PDXDC1: variants seen among roughly 807,000 people sequenced by gnomAD.
The protein encoded by PDXDC1 is pyridoxal-dependent decarboxylase domain-containing protein 1.
In PDXDC1, 42 loss-of-function variants were observed where a neutral mutation model predicts 100.1. The ratio of observed to expected loss-of-function variants is 0.42; its 90% CI spans 0.33 to 0.54. The LOEUF (loss-of-function observed/expected upper bound fraction) is 0.54. Among genes scored for constraint, PDXDC1 ranks in the 20% least tolerant of loss-of-function variants. The probability of loss-of-function intolerance (pLI) is 0.10; values close to 1 mark genes in which losing one functional copy is unlikely to be tolerated. For missense variants in PDXDC1, 636 were observed against 979.2 expected, an observed-to-expected ratio of 0.65 and a Z score of 4.68; for synonymous variants, 260 against 371.7, an observed-to-expected ratio of 0.70 and a Z score of 3.46.
chr16:15,104,527 G>A, intron 16 of PDXDC1: 1 of 1,494,782 alleles, frequency 6.7e-7, no homozygotes, highest in African/African-American at 1.7e-5. Context: ...GGGTGGAAGG[G>A]GAGTGAGCAG....
rs2044523085 is a variant in PDXDC1 at position 15,056,365 on chromosome 16, G to A, written c.1399+26309G>A. Among the ~76,000 whole-genome samples the A allele has an allele frequency of 2.0e-5, 3 of 152,360 alleles. No homozygotes were observed. In the South Asian group the frequency reaches 6.2e-4, roughly 32 times the overall value. On this transcript the variant is annotated intron_variant, in intron 16 of 16. Transcript: ENST00000535621. Reference sequence around the variant, plus strand: ...GGGCGAGTTCCTGGGGCGGGTTCTGGCTCCGACTGCTGCGCTTTAGGTCAT... The same window carrying A: ...GGGCGAGTTCCTGGGGCGGGTTCTGACTCCGACTGCTGCGCTTTAGGTCAT...
At chr16:15,019,053 G>C in intron 12 of PDXDC1, 88 bp downstream of exon 12, 1 of 1,586,562 alleles carries the variant, frequency 6.3e-7, no homozygotes, top group South Asian at 1.1e-5. Context: ...TCCATCCAGA[G>C]TGGTGTTGTC....
intron 16 of PDXDC1, among the ~76,000 whole-genome samples, chr16:15,087,150 C>G (rs2045942066): frequency 6.6e-6 from 1 of 151,914 alleles, no homozygotes; most frequent in Non-Finnish European, 1.5e-5. Flanking sequence ...GGAAAAAAAC[C>G]ATTAAGAAAA....
intron 16 of PDXDC1, chr16:15,086,254 A>G (rs1297554552): frequency 6.3e-7 from 1 of 1,575,992 alleles, no homozygotes; most frequent in East Asian, 2.3e-5. Flanking sequence ...CAACCAAGGC[A>G]ATCTCTAGAG....
chr16:15,065,147 C>CAAA, intron 16 of PDXDC1: 1 of 1,472,622 alleles, frequency 6.8e-7, no homozygotes, highest in Non-Finnish European at 9.2e-7. Context: ...GCCTGGGCGA[C>CAAA]AGAGTGAGAC....
At position 15,050,767 on chromosome 16, in the gene PDXDC1, GAT is replaced by G. The variant is rs377548375; in HGVS notation, c.1399+20712_1399+20713del. On this transcript the variant is annotated intron_variant, in intron 16 of 16. Transcript: ENST00000535621. ...AAATTAAGATTAAACTAAAAGAAGAGATGTAATAAACATAATGATCAGCTTGA... is the reference window on the plus strand; with the variant it reads ...AAATTAAGATTAAACTAAAAGAAGAGGTAATAAACATAATGATCAGCTTGA... 2.3e-4 allele frequency among the ~76,000 whole-genome samples: 35 copies of G among 152,076 alleles called. No individual in the cohort carries two copies. In the East Asian group the frequency reaches 5.4e-3, roughly 24 times the overall value.
At chr16:15,032,138 C>T in intron 17 of PDXDC1, 5 of 558,694 alleles carry the variant, frequency 8.9e-6, no homozygotes, top group Non-Finnish European at 1.6e-5. Context: ...TAGGTGCCGA[C>T]TCTCAGCTAC....
chr16:15,048,208 G>A, intron 16 of PDXDC1: 1 of 691,744 alleles, frequency 1.4e-6, no homozygotes, highest in East Asian at 2.7e-5. Flanking sequence ...ACGCTAGTGT[G>A]TGGGGAGTGT....
rs1266416535 is a variant in PDXDC1 at position 14,984,350 on chromosome 16, C to T, written c.21+9130C>T. 1.8e-4 allele frequency among the ~76,000 whole-genome samples: 24 copies of T among 132,692 alleles called. No individual in the cohort carries two copies. The East Asian group carries it at 5.7e-3, about 32-fold the overall frequency. The allele number at this position is 132,692 out of a possible 152,430, so 87.1% of individuals were successfully genotyped here. A position where few individuals can be genotyped will look rare whatever the true frequency, so the allele number is the denominator to read the frequency against. On this transcript the variant is annotated intron_variant, in intron 1 of 22. Coordinates refer to ENST00000396410, the MANE Select transcript of PDXDC1 (RefSeq NM_015027.4). ...TTTTTTTTTTTTAACTTAGATTTGTCCTCAACTGTAATGTCTCTAAATTCT... is the reference window on the plus strand; with the variant it reads ...TTTTTTTTTTTTAACTTAGATTTGTTCTCAACTGTAATGTCTCTAAATTCT...
At chr16:15,083,521 T>C in intron 16 of PDXDC1, 3 of 1,608,838 alleles carry the variant, frequency 1.9e-6, no homozygotes, top group Non-Finnish European at 1.7e-6. Context: ...ACCAGTGTTC[T>C]CTCTGATTTT....
chr16:15,075,266 A>C (rs1388290674), intron 16 of PDXDC1, among the ~76,000 whole-genome samples: 1 of 150,304 alleles, frequency 6.7e-6, no homozygotes, highest in Non-Finnish European at 1.5e-5. Flanking sequence ...AAAAAAAAAA[A>C]AACTAAACTA....
intron 3 of PDXDC1, among the ~76,000 whole-genome samples, chr16:15,000,232 T>C (rs1972854435): frequency 6.6e-6 from 1 of 152,292 alleles, no homozygotes; most frequent in Admixed American, 6.5e-5. Context: ...CTTAAGCCAC[T>C]GACTAGGAGG....
At chr16:15,144,437 T>A in the PDXDC1 span, among the ~76,000 whole-genome samples, 1 of 152,072 alleles carries the variant, frequency 6.6e-6, no homozygotes, top group South Asian at 2.1e-4. Context: ...TGGCTCCGCC[T>A]ACCACTTCCA....
intron 16 of PDXDC1, among the ~76,000 whole-genome samples, chr16:15,069,843 TA>T: frequency 6.6e-6 from 1 of 152,320 alleles, no homozygotes; most frequent in African/African-American, 2.4e-5. Context: ...ACCTCTTTCT[TA>T]ACCTCAAATC....
chr16:15,109,320 TTC>T (rs1238961095), intron 16 of PDXDC1: 1 of 137,500 alleles, frequency 7.3e-6, no homozygotes, highest in Non-Finnish European at 1.6e-5. Context: ...AGGTCAGGAG[TTC>T]AAGACTAGCC....
intron 16 of PDXDC1, chr16:15,134,003 T>C (rs1410100697): frequency 1.2e-5 from 17 of 1,413,978 alleles, no homozygotes; most frequent in Non-Finnish European, 1.7e-5. Context: ...GTCACATGCC[T>C]GCGCTGCCCG....
intron 12 of PDXDC1, among the ~76,000 whole-genome samples, chr16:15,020,975 AACACAC>A (rs66850292): frequency 3.5e-3 from 510 of 145,922 alleles, no homozygotes; most frequent in Non-Finnish European, 6.2e-3. Flanking sequence ...GCACCATCTA[AACACAC>A]ACACACACAC....
At chr16:14,998,779 T>TTTC (rs1972546796) in intron 3 of PDXDC1, among the ~76,000 whole-genome samples, 1 of 152,280 alleles carries the variant, frequency 6.6e-6, no homozygotes, top group Admixed American at 6.5e-5. Context: ...ACCAGTGTCT[T>TTTC]ATCATCATTG....
chr16:15,035,605 G>T, intron 22 of PDXDC1, 52 bp downstream of exon 22: 1 of 1,028,528 alleles, frequency 9.7e-7, no homozygotes, highest in South Asian at 1.5e-5. Flanking sequence ...CCTGTTGACT[G>T]TTACTTGCGT....
Sources: gnomAD v4.1 joint callset for allele counts (sites outside exome capture counted in the v4.1 genomes callset) on GRCh38, gnomAD v4.1.1 for gene constraint, MANE v1.5 for transcripts, NCBI Gene and HGNC (gene_info 2026-07-23, HGNC 2026-07-21) for gene names.